Variants in CREB5 observed in about 807,000 individuals in gnomAD.
The protein encoded by CREB5 is cAMP responsive element binding protein 5.
Under a neutral mutation model 57.1 loss-of-function variants are expected in CREB5, and 19 were observed. The ratio of observed to expected loss-of-function variants is 0.33; its 90% confidence interval spans 0.23 to 0.49. The LOEUF is 0.49. Ranked by LOEUF, CREB5 falls within the 20% of genes least tolerant of loss-of-function variation. CREB5 has a pLI of 0.99. For synonymous variants in CREB5, 238 were observed against 238.3 expected (o/e 1.00, Z 0.01); for missense variants, 579 against 671.6 (o/e 0.86, Z 1.52).
chr7:28,588,210 T>C (rs1796369431), intron 5 of CREB5, among the ~76,000 whole-genome samples: 1 of 152,332 alleles, frequency 6.6e-6, no homozygotes, highest in African/African-American at 2.4e-5. Context: ...GTAGCGGTAC[T>C]GTTTCTGGTG....
chr7:28,607,161 G>A (rs1250890467), intron 5 of CREB5, among the ~76,000 whole-genome samples: 1 of 152,024 alleles, frequency 6.6e-6, no homozygotes, highest in Admixed American at 6.5e-5. Context: ...ACTTCTATGA[G>A]ATCAACTAAA....
At chr7:28,679,341 C>T (rs1382522891) in intron 5 of CREB5, among the ~76,000 whole-genome samples, 1 of 152,154 alleles carries the variant, frequency 6.6e-6, no homozygotes, top group Non-Finnish European at 1.5e-5. Flanking sequence ...CTTCTGGCAG[C>T]CCCAAGTTTT....
chr7:28,578,555 C>A (rs761429562), intron 5 of CREB5, among the ~76,000 whole-genome samples: 1 of 152,136 alleles, frequency 6.6e-6, no homozygotes, highest in South Asian at 2.1e-4. Flanking sequence ...AGTAATAGGG[C>A]GGTGTCCCTG....
In CREB5 at chr7:28,818,088, GA is replaced by G; in HGVS notation, c.1277del (p.Asn426MetfsTer6). ...TCTTTTAGAATGAAGTGTCTATGTT[GA>G]AAAATGAGGTGGCCCAGCTGAAACA... ...MQLQNEVSML[K>X]NEVAQLKQLL... is the part of the protein sequence containing the mutation. On this transcript the variant is annotated frameshift_variant, in exon 10 of 11. Transcript: ENST00000357727. LOFTEE classifies it high-confidence loss of function. The G allele has an allele frequency of 6.2e-7, 1 of 1,613,412 alleles. No individual in the cohort carries two copies. The highest frequency in any genetic ancestry group is 1.7e-5 in the Admixed American group (1 of 59,934).
chr7:28,631,647 C>T (rs984222010), intron 5 of CREB5, among the ~76,000 whole-genome samples: 2 of 152,118 alleles, frequency 1.3e-5, no homozygotes, highest in Non-Finnish European at 2.9e-5. Flanking sequence ...TCACTGCAAC[C>T]TCCGCCTCCC....
At chr7:28,715,833 C>T (rs984132902) in intron 5 of CREB5, among the ~76,000 whole-genome samples, 1 of 152,110 alleles carries the variant, frequency 6.6e-6, no homozygotes. Context: ...CTTCTATACA[C>T]TACTAATTAG....
At position 28,566,028 on chromosome 7, in the gene CREB5, C is replaced by A. The variant is rs1015611967; in HGVS notation, c.292-4337C>A. Among the ~76,000 whole-genome samples, 3 of 152,332 alleles carry A rather than the reference C, an allele frequency of 2.0e-5. No homozygotes were observed. In the East Asian group the frequency reaches 5.8e-4, roughly 29 times the overall value. The stretch of plus-strand genomic sequence containing the variant: ...TGACCCTTTAAATCTCCTCTTCAGA[C>A]TAAATATTCTCTGATTCTTCTGCTC... On this transcript the variant is annotated intron_variant, in intron 4 of 10. Transcript: ENST00000357727.
intron 5 of CREB5, among the ~76,000 whole-genome samples, chr7:28,672,818 C>A (rs1228271028): frequency 2.0e-5 from 3 of 152,346 alleles, no homozygotes; most frequent in Non-Finnish European, 2.9e-5. Flanking sequence ...TTTTCACCTG[C>A]AGAATGAGGA....
intron 8 of CREB5, among the ~76,000 whole-genome samples, chr7:28,805,995 A>G (rs1337491367): frequency 6.6e-6 from 1 of 152,134 alleles, no homozygotes; most frequent in Non-Finnish European, 1.5e-5. Context: ...CCATACTAGA[A>G]CATGTATTTA....
Position 28,824,561 on chromosome 7 carries a change from A to AACTT in CREB5, c.*5285_*5288dup, listed in dbSNP as rs1381556139. The stretch of plus-strand genomic sequence containing the variant: ...AGGATAAGACGACACAGCAGCAATA[A>AACTT]ACTTACAAGTAAAATTCAATACCAA... On this transcript the variant is annotated 3_prime_UTR_variant, in exon 11 of 11. Transcript: ENST00000357727. The AACTT allele has an allele frequency of 6.6e-6, 1 of 152,646 alleles. No homozygotes were observed. Among genetic ancestry groups the AACTT allele is most frequent in the African/African-American group, 2.4e-5 (1 of 41,458 alleles). 9.5% of individuals were successfully genotyped at this position (152,646 alleles called of 1,614,324 possible).
At chr7:28,600,338 G>A (rs58896911) in intron 5 of CREB5, among the ~76,000 whole-genome samples, 1 of 151,148 alleles carries the variant, frequency 6.6e-6, no homozygotes, top group South Asian at 2.1e-4. Context: ...AAACTCGCAG[G>A]CGCAAGACCT....
chr7:28,410,178 C>A (rs1224587101), upstream of CREB5: 1 of 440,744 alleles, frequency 2.3e-6, no homozygotes, highest in African/African-American at 2.0e-5. Flanking sequence ...GAGGGGAGGT[C>A]GCCCTCGGAG....
At chr7:28,331,614 C>T (rs576484965) in intron 1 of CREB5, among the ~76,000 whole-genome samples, 137 of 152,158 alleles carry the variant, frequency 9.0e-4, no homozygotes, top group African/African-American at 3.2e-3. Context: ...TTTTGGGAGG[C>T]CAAGGTGGGT....
rs1368271506 is a variant in CREB5 at position 28,824,687 on chromosome 7, A to G, written c.*5408A>G. On this transcript the variant is annotated 3_prime_UTR_variant, in exon 11 of 11. Coordinates refer to ENST00000357727, the MANE Select transcript of CREB5 (RefSeq NM_182898.4). ...CAAAATATTTTACTATTTCTTGTGG[A>G]GTTTTTCAGTGATGTAATGCTTGTA... The G allele has an allele frequency of 1.3e-5, 2 of 152,654 alleles. No homozygotes were observed. Among genetic ancestry groups the G allele is most frequent in the Non-Finnish European group, 2.9e-5 (2 of 68,036 alleles). The allele number at this position is 152,654 out of a possible 1,614,324, so 9.5% of individuals were successfully genotyped here. A position where few individuals can be genotyped will look rare whatever the true frequency, so the allele number is the denominator to read the frequency against.
intron 5 of CREB5, among the ~76,000 whole-genome samples, chr7:28,614,610 T>C (rs1797526881): frequency 6.6e-6 from 1 of 152,238 alleles, no homozygotes; most frequent in East Asian, 1.9e-4. Context: ...TACTTTCGTG[T>C]GAAATTCTTT....
chr7:28,454,553 C>T (rs1024566697), intron 1 of CREB5, among the ~76,000 whole-genome samples: 20 of 152,148 alleles, frequency 1.3e-4, no homozygotes, highest in African/African-American at 4.8e-4. Context: ...CACCTCCTAG[C>T]ACCTGTGGAT....
At chr7:28,491,889 A>G (rs539699259) in intron 2 of CREB5, among the ~76,000 whole-genome samples, 6 of 152,346 alleles carry the variant, frequency 3.9e-5, no homozygotes, top group Non-Finnish European at 7.4e-5. Context: ...CACTGCTTGC[A>G]CTGTGCTAGG....
chr7:28,392,430 T>A (rs1787237351), intron 1 of CREB5, among the ~76,000 whole-genome samples: 1 of 152,234 alleles, frequency 6.6e-6, no homozygotes, highest in Non-Finnish European at 1.5e-5. Flanking sequence ...TCTATTAGCT[T>A]GGTGTAAAAA....
chr7:28,526,288 T>C (rs2128619082), intron 4 of CREB5, among the ~76,000 whole-genome samples: 1 of 152,322 alleles, frequency 6.6e-6, no homozygotes, highest in East Asian at 1.9e-4. Flanking sequence ...ACCTAGGCAA[T>C]GCAGTATGCC....
Sources: allele counts gnomAD v4.1 joint callset (sites outside exome capture counted in the v4.1 genomes callset), GRCh38; gene constraint gnomAD v4.1.1; transcripts MANE v1.5; gene names NCBI Gene and HGNC (gene_info 2026-07-23, HGNC 2026-07-21).